SMARCAL1: variants seen among roughly 807,000 people sequenced by gnomAD.
SMARCAL1 encodes ATP-driven annealing helicase.
In SMARCAL1, 58 loss-of-function variants were observed where a neutral mutation model predicts 94.5. The ratio of observed to expected loss-of-function variants is 0.61; its 90% CI spans 0.50 to 0.76. SMARCAL1 has a LOEUF of 0.76. Ranked by LOEUF, SMARCAL1 falls within the 30% of genes least tolerant of loss-of-function variation. The probability of loss-of-function intolerance (pLI) is 0.00; values close to 1 mark genes in which losing one functional copy is unlikely to be tolerated. For synonymous variants in SMARCAL1, 422 were observed against 455.1 expected (o/e 0.93, Z 0.93); for missense variants, 1,051 against 1,177.9 (o/e 0.89, Z 1.58).
At chr2:216,478,330 G>C (rs763697058) in intron 17 of SMARCAL1, 31 bp downstream of exon 17, 14 of 1,526,796 alleles carry the variant, frequency 9.2e-6, no homozygotes, top group Non-Finnish European at 1.3e-5. Flanking sequence ...TTCACCCCTG[G>C]AGCAGAGGGA....
chr2:216,416,061 G>T, intron 3 of SMARCAL1, 196 bp from the exon 4 acceptor site: 2 of 558,148 alleles, frequency 3.6e-6, no homozygotes, highest in South Asian at 3.6e-5. Flanking sequence ...GGCCTGAGTT[G>T]GATTCCACTA....
At chr2:216,434,727 C>T (rs1209218269) in intron 8 of SMARCAL1, among the ~76,000 whole-genome samples, 2 of 151,912 alleles carry the variant, frequency 1.3e-5, no homozygotes, top group Non-Finnish European at 2.9e-5. Context: ...CACCTGTAGT[C>T]CCAGCAACTT....
At chr2:216,479,573 G>A (rs11683724) in intron 17 of SMARCAL1, among the ~76,000 whole-genome samples, 51,628 of 151,432 alleles carry the variant, frequency 0.34, 8,935 homozygotes, top group African/African-American at 0.41. Flanking sequence ...TCTTTGCAAG[G>A]ATTTATTTGC....
At chr2:216,463,370 A>C (rs1430720785) in intron 12 of SMARCAL1, among the ~76,000 whole-genome samples, 1 of 152,210 alleles carries the variant, frequency 6.6e-6, no homozygotes. Context: ...AGTGGCCAGC[A>C]GATTCAGTGT....
rs201962302 is a variant in SMARCAL1 at position 216,415,436 on chromosome 2, C to T, written c.732C>T (p.Asn244=). 51 of 1,614,174 alleles carry T rather than the reference C, an allele frequency of 3.2e-5. No homozygotes were observed. Among genetic ancestry groups the T allele is most frequent in the Middle Eastern group, 3.3e-4 (2 of 6,062 alleles). ...CTCAGAAGGGAAAGTGCGTAAGGAA[C>T]GGCGATCGTTTCCAGGTGTTGATTG... is the stretch of plus-strand genomic sequence containing the variant. ...VNSQKGKCVR[N]GDRFQVLIGY... The change falls in exon 3 of 18, where the codon AAC becomes AAT. Residue 244 remains asparagine, a synonymous_variant. Transcript: ENST00000357276.
intron 4 of SMARCAL1, among the ~76,000 whole-genome samples, chr2:216,416,848 G>A (rs1300517906): frequency 3.3e-5 from 5 of 152,198 alleles, no homozygotes; most frequent in African/African-American, 7.2e-5. Flanking sequence ...ATGCAAGGAG[G>A]GGGCATTGGC....
At chr2:216,455,844 GA>G (rs1324997415) in intron 12 of SMARCAL1, among the ~76,000 whole-genome samples, 2 of 152,228 alleles carry the variant, frequency 1.3e-5, no homozygotes, top group African/African-American at 4.8e-5. Flanking sequence ...AACAAAGCTG[GA>G]CGGAGAATGA....
Position 216,416,282 on chromosome 2 carries a change from C to T in SMARCAL1, c.837C>T (p.Phe279=), listed in dbSNP as rs762425520. 7 of 1,613,642 alleles carry T rather than the reference C, an allele frequency of 4.3e-6. No homozygotes were observed. The African/African-American group carries it at 8.0e-5, about 18-fold the overall frequency. ...ATCCTGACACCAAGACGTGGAACTT[C>T]AGCATGAATGACTATAGTGCCCTGA... The part of the protein sequence containing the change: ...NYDPDTKTWN[F]SMNDYSALMK... The change falls in exon 4 of 18, where the codon TTC becomes TTT. Residue 279 remains phenylalanine (F), a synonymous_variant. Transcript: ENST00000357276.
At position 216,481,305 on chromosome 2, in the gene SMARCAL1, C is replaced by A. The variant is rs182613876; in HGVS notation, c.2626-1433C>A. Among the ~76,000 whole-genome samples the A allele has an allele frequency of 2.7e-5, 4 of 150,522 alleles. No individual in the cohort carries two copies. The East Asian group carries it at 5.9e-4, about 22-fold the overall frequency. ...CCTCCCAGGCTCAAGTGATTCCCCC[C>A]ATCTCAGCCTCCCGAGTAGCTGGAA... On this transcript the variant is annotated intron_variant, in intron 17 of 17. Coordinates refer to ENST00000357276, the MANE Select transcript of SMARCAL1 (RefSeq NM_014140.4).
At chr2:216,451,209 A>G (rs1694443716) in intron 12 of SMARCAL1, 145 bp downstream of exon 12, 5 of 731,190 alleles carry the variant, frequency 6.8e-6, no homozygotes, top group South Asian at 6.1e-5. Flanking sequence ...CAGCAAGTCC[A>G]TTTCATTCCT....
At chr2:216,422,335 G>A (rs981904812) in intron 5 of SMARCAL1, among the ~76,000 whole-genome samples, 1 of 152,140 alleles carries the variant, frequency 6.6e-6, no homozygotes, top group Non-Finnish European at 1.5e-5. Flanking sequence ...AGCCTAGATC[G>A]CACCACTGCA....
chr2:216,445,019 C>T (rs1269108960), intron 10 of SMARCAL1, among the ~76,000 whole-genome samples: 1 of 152,170 alleles, frequency 6.6e-6, no homozygotes, highest in African/African-American at 2.4e-5. Context: ...TTTCTAACAC[C>T]ACACAGAAAG....
Position 216,428,703 on chromosome 2 carries a change from G to A in SMARCAL1, c.1255G>A (p.Asp419Asn), listed in dbSNP as rs963204764. Residue 419 changes from aspartate to asparagine, a missense_variant, in exon 7 of 18, where the codon GAT (aspartate) becomes AAT (asparagine). Coordinates refer to ENST00000357276, the MANE Select transcript of SMARCAL1 (RefSeq NM_014140.4). The stretch of plus-strand genomic sequence containing the variant: ...GAAGACATCTCTCAGTCTCACGCCA[G>A]ATGTCCCAGAGGCAGACCTTTCTGA... The part of the protein sequence containing the change: ...LKKTSLSLTP[D>N]VPEADLSEVD... The A allele has an allele frequency of 6.2e-7, 1 of 1,614,180 alleles. No homozygotes were observed. Among genetic ancestry groups the A allele is most frequent in the Non-Finnish European group, 8.5e-7 (1 of 1,180,016 alleles).
chr2:216,444,606 G>A (rs2106047450), intron 10 of SMARCAL1, among the ~76,000 whole-genome samples: 1 of 152,248 alleles, frequency 6.6e-6, no homozygotes, highest in South Asian at 2.1e-4. Flanking sequence ...TGCAACCTCT[G>A]CCTCCCCTGT....
rs901861855 is a variant in SMARCAL1 at position 216,424,923 on chromosome 2, AT to A, written c.1147+1249del. 9.4e-4 allele frequency among the ~76,000 whole-genome samples: 143 copies of A among 151,766 alleles called. 1 individual carries two copies. Among genetic ancestry groups the A allele is most frequent in the East Asian group, 2.1e-3 (11 of 5,150 alleles). The stretch of plus-strand genomic sequence containing the variant: ...GAGGGAATTATTTGGCAAAATCTGA[AT>A]TTTTTTTTCTTTTTGAGGCAGGGTC... On this transcript the variant is annotated intron_variant, in intron 6 of 17. Coordinates refer to ENST00000357276, the MANE Select transcript of SMARCAL1 (RefSeq NM_014140.4).
rs781139781 is a variant in SMARCAL1 at position 216,447,161 on chromosome 2, A to G, written c.1851+3A>G. The G allele has an allele frequency of 5.6e-6, 9 of 1,613,720 alleles. No individual in the cohort carries two copies. The highest frequency in any genetic ancestry group is 3.3e-5 in the Admixed American group (2 of 59,970). On this transcript the variant is annotated splice_donor_region_variant and intron_variant, in intron 11 of 17. Transcript: ENST00000357276. ...TTCGCTACTGTGATGCCAAACGGGT[A>G]TGTATTATCTCTTCCCTCCCAGCCC...
At chr2:216,480,411 T>C (rs1695171245) in intron 17 of SMARCAL1, among the ~76,000 whole-genome samples, 1 of 152,234 alleles carries the variant, frequency 6.6e-6, no homozygotes, top group Non-Finnish European at 1.5e-5. Flanking sequence ...CGAGTCAGCA[T>C]ACAGTGTTGC....
chr2:216,453,967 T>C (rs1340951641), intron 12 of SMARCAL1, among the ~76,000 whole-genome samples: 5 of 152,218 alleles, frequency 3.3e-5, no homozygotes, highest in Non-Finnish European at 7.3e-5. Flanking sequence ...GGATATCGCT[T>C]CACAGGCAAA....
intron 17 of SMARCAL1, among the ~76,000 whole-genome samples, chr2:216,481,224 A>T (rs2106093000): frequency 6.6e-6 from 1 of 152,148 alleles, no homozygotes; most frequent in East Asian, 1.9e-4. Context: ...ACAGGGTCTC[A>T]CTCTGTCACC....
Sources: allele counts gnomAD v4.1 joint callset (sites outside exome capture counted in the v4.1 genomes callset), GRCh38; gene constraint gnomAD v4.1.1; transcripts MANE v1.5; gene names NCBI Gene and HGNC (gene_info 2026-07-23, HGNC 2026-07-21).